The following SLBP variants were observed in gnomAD, a reference collection of about 807,000 sequenced individuals.
The protein encoded by SLBP is histone RNA hairpin-binding protein.
SLBP carries 29 observed loss-of-function variants against 39.2 expected under a neutral mutation model. The observed-to-expected ratio is 0.74, with a 90% CI of 0.55 to 1.01. The LOEUF is 1.01. Ranked by LOEUF, SLBP falls within the 50% of genes least tolerant of loss-of-function variation. The pLI is 0.00. For synonymous variants in SLBP, 129 were observed against 118.7 expected, an observed-to-expected ratio of 1.09 and a Z score of -0.57; for missense variants, 390 against 350.2, an observed-to-expected ratio of 1.11 and a Z score of -0.91.
At chr4:1,697,044 G>T (rs1222558066) in intron 5 of SLBP, among the ~76,000 whole-genome samples, 1 of 150,986 alleles carries the variant, frequency 6.6e-6, no homozygotes, top group East Asian at 1.9e-4. Flanking sequence ...TTGAGTCCCA[G>T]CTACTCCAGC....
At chr4:1,705,221 C>A (rs552717464) in intron 2 of SLBP, among the ~76,000 whole-genome samples, 55 of 152,248 alleles carry the variant, frequency 3.6e-4, no homozygotes, top group Middle Eastern at 3.4e-3. Context: ...GCCACCGTAC[C>A]CAGACTGCAC....
intron 5 of SLBP, among the ~76,000 whole-genome samples, chr4:1,699,160 G>A (rs779840562): frequency 1.3e-5 from 2 of 152,186 alleles, no homozygotes; most frequent in Non-Finnish European, 2.9e-5. Flanking sequence ...CTGTGTCTGT[G>A]TGTTTGAGGG....
rs575079819 is a variant in SLBP, at chr4:1,705,632, C to G, written c.177-1932G>C. ...ATATTTACTGAGACTGGGTACAGTACTGAGGGATGATAATCTTCTGATTTA... is the reference window on the plus strand; with the variant it reads ...ATATTTACTGAGACTGGGTACAGTAGTGAGGGATGATAATCTTCTGATTTA... On this transcript the variant is annotated intron_variant, in intron 2 of 7. Coordinates refer to ENST00000489418, the MANE Select transcript of SLBP (RefSeq NM_006527.4). 8.5e-5 allele frequency among the ~76,000 whole-genome samples: 13 copies of G among 152,250 alleles called. No homozygotes were observed. The South Asian group carries it at 2.7e-3, about 32-fold the overall frequency.
chr4:1,692,853 G>C lies in SLBP; in HGVS notation c.*744C>G, dbSNP rs550366940. ...TATCCCATACAAAAGCAATAGAAAC[G>C]TAACAGTCTTAACAAGAAGTTTACA... On this transcript the variant is annotated 3_prime_UTR_variant, in exon 8 of 8. Coordinates refer to ENST00000489418, the MANE Select transcript of SLBP (RefSeq NM_006527.4). The C allele has an allele frequency of 2.0e-5, 3 of 152,632 alleles. No homozygotes were observed. The highest frequency in any genetic ancestry group is 2.1e-4 in the South Asian group (1 of 4,826). The allele number at this position is 152,632 out of a possible 1,614,324, so 9.5% of individuals were successfully genotyped here.
chr4:1,710,703 C>A (rs549119477), intron 2 of SLBP, among the ~76,000 whole-genome samples: 1 of 151,680 alleles, frequency 6.6e-6, no homozygotes, highest in East Asian at 1.9e-4. Context: ...AGAGTTCACC[C>A]GTGGAGATAT....
rs377673789 is a variant in SLBP at position 1,697,970 on chromosome 4, T to G, written c.479+1594A>C. Among the ~76,000 whole-genome samples, 57 of 150,624 alleles carry G rather than the reference T, an allele frequency of 3.8e-4. No individual in the cohort carries two copies. In the East Asian group the frequency reaches 0.011, roughly 28 times the overall value. On this transcript the variant is annotated intron_variant, in intron 5 of 7. Transcript: ENST00000489418. ...GGGAGACTCCCATCTCTATAAAAAT[T>G]TAAAAGTTTAGCCAGGTGTGGCGGC...
intron 5 of SLBP, among the ~76,000 whole-genome samples, chr4:1,697,859 C>T (rs1240849213): frequency 1.3e-5 from 2 of 152,130 alleles, no homozygotes; most frequent in Non-Finnish European, 2.9e-5. Flanking sequence ...TCACTATCCG[C>T]TGGGCACAGT....
In SLBP at chr4:1,696,864, T is replaced by C. The variant is rs570109506; in HGVS notation, c.480-513A>G. Among the ~76,000 whole-genome samples the C allele has an allele frequency of 4.9e-5, 7 of 144,122 alleles. No homozygotes were observed. In the East Asian group the frequency reaches 1.5e-3, roughly 30 times the overall value. The allele number at this position is 144,122 out of a possible 152,430, so 94.5% of individuals were successfully genotyped here. The stretch of plus-strand genomic sequence containing the variant: ...GTGAGCCGAGATCGTGCCACTGCAC[T>C]CCAGCATGGGCAACACAGCGAGACT... On this transcript the variant is annotated intron_variant, in intron 5 of 7. Transcript: ENST00000489418.
intron 5 of SLBP, among the ~76,000 whole-genome samples, chr4:1,697,028 T>G (rs989289180): frequency 2.6e-5 from 4 of 151,516 alleles, no homozygotes; most frequent in Admixed American, 2.0e-4. Flanking sequence ...CATGGTGGCT[T>G]ATGCCTTGAG....
rs372194945 is a variant in SLBP at position 1,703,557 on chromosome 4, G to A, written c.281+39C>T. 13 of 1,253,716 alleles carry A rather than the reference G, an allele frequency of 1.0e-5. No homozygotes were observed. In the East Asian group the frequency reaches 1.9e-4, roughly 18 times the overall value. The allele number at this position is 1,253,716 out of a possible 1,614,324, so 77.7% of individuals were successfully genotyped here. On this transcript the variant is annotated intron_variant, in intron 3 of 7. Coordinates refer to ENST00000489418, the MANE Select transcript of SLBP (RefSeq NM_006527.4). ...TCAAATTTAATGTGTTACTGAAAAC[G>A]CCACAGATTAACACTTCAAGGTGGT... is the stretch of plus-strand genomic sequence containing the variant.
chr4:1,701,880 C>G (rs937830092), intron 3 of SLBP, among the ~76,000 whole-genome samples: 2 of 152,178 alleles, frequency 1.3e-5, no homozygotes, highest in African/African-American at 4.8e-5. Context: ...ACACTCCAGC[C>G]TGGGAAACAG....
chr4:1,710,818 G>A (rs1385238495), intron 2 of SLBP, among the ~76,000 whole-genome samples: 2 of 151,892 alleles, frequency 1.3e-5, no homozygotes, highest in Middle Eastern at 3.2e-3. Context: ...GGGTGGCCAA[G>A]GTGGGTGGAT....
intron 6 of SLBP, 107 bp downstream of exon 6, chr4:1,696,095 A>G: frequency 1.1e-6 from 1 of 943,104 alleles, no homozygotes; most frequent in South Asian, 2.0e-5. Flanking sequence ...GCTCCCCAAC[A>G]GCTGCTGGGG....
Position 1,700,054 on chromosome 4 carries a change from G to A in SLBP, c.298C>T (p.Leu100Phe), listed in dbSNP as rs1307886229. The A allele has an allele frequency of 1.3e-6, 2 of 1,599,714 alleles. No homozygotes were observed. Among genetic ancestry groups the A allele is most frequent in the Non-Finnish European group, 1.7e-6 (2 of 1,169,968 alleles). ...CTCTCTCTTCCAAAGTCATTGATGA[G>A]GAGTTTCCTTTTATATCTGAGGGCA... ...KEMARYKRKL[L>F]INDFGRERKS... Residue 100 changes from leucine to phenylalanine, a missense_variant, in exon 4 of 8, where the codon CTC becomes TTC. Leu to Phe is a conservative substitution (Grantham distance 22, BLOSUM62 0). Coordinates refer to ENST00000489418, the MANE Select transcript of SLBP (RefSeq NM_006527.4).
chr4:1,708,440 A>G (rs1170326612), intron 2 of SLBP, among the ~76,000 whole-genome samples: 2 of 152,258 alleles, frequency 1.3e-5, no homozygotes, highest in Non-Finnish European at 2.9e-5. Flanking sequence ...GTAAATTTCC[A>G]GATTCTAAAA....
At chr4:1,702,810 GTATGT>G (rs759933379) in intron 3 of SLBP, among the ~76,000 whole-genome samples, 3 of 152,150 alleles carry the variant, frequency 2.0e-5, no homozygotes, top group Non-Finnish European at 2.9e-5. Flanking sequence ...ACCTTTCCTT[GTATGT>G]TGGCATTTCT....
chr4:1,712,234 C>A lies in SLBP; in HGVS notation c.-46G>T. 2 of 1,181,466 alleles carry A rather than the reference C, an allele frequency of 1.7e-6. No homozygotes were observed. Among genetic ancestry groups the A allele is most frequent in the Non-Finnish European group, 2.2e-6 (2 of 926,158 alleles). The allele number at this position is 1,181,466 out of a possible 1,614,324, so 73.2% of individuals were successfully genotyped here. On this transcript the variant is annotated 5_prime_UTR_variant, in exon 1 of 8. Transcript: ENST00000489418. ...CAGCGCAGGGCCGAGGCTGAGGCGG[C>A]GGCGGCGCGGGCAGAGAGCGCAGAG...
intron 4 of SLBP, 98 bp downstream of exon 4, chr4:1,699,913 C>G: frequency 1.1e-6 from 1 of 920,856 alleles, no homozygotes; most frequent in Non-Finnish European, 1.7e-6. Context: ...TTAATAAATG[C>G]TACTGCGACA....
chr4:1,707,435 G>A (rs1716566461), intron 2 of SLBP, among the ~76,000 whole-genome samples: 3 of 150,832 alleles, frequency 2.0e-5, no homozygotes, highest in Admixed American at 1.3e-4. Flanking sequence ...GAACCTGGGA[G>A]GTGGAGGTTG....
Sources: allele counts gnomAD v4.1 joint callset (sites outside exome capture counted in the v4.1 genomes callset), GRCh38; gene constraint gnomAD v4.1.1; transcripts MANE v1.5; gene names NCBI Gene and HGNC (gene_info 2026-07-23, HGNC 2026-07-21).